The following HDHD2 variants were observed in gnomAD, a reference collection of about 807,000 sequenced individuals.
HDHD2 encodes the protein haloacid dehalogenase-like hydrolase domain-containing protein 2.
A neutral mutation model predicts 24.8 loss-of-function variants in HDHD2; 26 were observed. That is an observed-to-expected ratio of 1.05 (90% CI 0.77 to 1.45). The LOEUF (loss-of-function observed/expected upper bound fraction) is 1.45, where lower values mean the gene tolerates loss of function less well. Ranked by LOEUF, HDHD2 falls within the 40% of genes most tolerant of loss-of-function variation. HDHD2 has a pLI of 0.00. For synonymous variants in HDHD2, 128 were observed against 114.9 expected (o/e 1.11, Z -0.73); for missense variants, 299 against 313.4 (o/e 0.95, Z 0.35).
At chr18:47,114,050 G>A (rs1371300593) in intron 5 of HDHD2, among the ~76,000 whole-genome samples, 1 of 152,114 alleles carries the variant, frequency 6.6e-6, no homozygotes, top group Non-Finnish European at 1.5e-5. Context: ...AGCAACTCCT[G>A]GGATAAAGAA....
intron 4 of HDHD2, among the ~76,000 whole-genome samples, chr18:47,125,188 C>A (rs1028433471): frequency 6.6e-6 from 1 of 151,732 alleles, no homozygotes; most frequent in Non-Finnish European, 1.5e-5. Flanking sequence ...AAAAAAAAAC[C>A]AAATAGGAAC....
intron 4 of HDHD2, among the ~76,000 whole-genome samples, chr18:47,121,807 C>A (rs920225710): frequency 9.8e-5 from 15 of 152,316 alleles, no homozygotes; most frequent in South Asian, 6.2e-4. Context: ...AAATGTCAAG[C>A]TCTTTCCTGC....
chr18:47,149,802 C>T (rs2063911654), intron 1 of HDHD2, among the ~76,000 whole-genome samples: 1 of 152,092 alleles, frequency 6.6e-6, no homozygotes, highest in African/African-American at 2.4e-5. Flanking sequence ...GTTACCAGCC[C>T]GCGCCTCTCC....
chr18:47,108,738 A>C lies in HDHD2; in HGVS notation c.724T>G (p.Leu242Val). Residue 242 changes from leucine to valine, a missense_variant, in exon 7 of 7, where the codon TTA becomes GTA. Coordinates refer to ENST00000300605, the MANE Select transcript of HDHD2 (RefSeq NM_032124.5). The part of the protein sequence containing the change: ...DEEKINPPPY[L>V]TCESFPHAVD... Reference sequence around the variant, plus strand: ...GCATGAGGGAAACTCTCACAAGTTAAGTAAGGAGGTGGATTAATTTTTTCT... The same window carrying C: ...GCATGAGGGAAACTCTCACAAGTTACGTAAGGAGGTGGATTAATTTTTTCT... 1 of 1,611,888 alleles carries C rather than the reference A, an allele frequency of 6.2e-7. No individual in the cohort carries two copies. The highest frequency in any genetic ancestry group is 8.5e-7 in the Non-Finnish European group (1 of 1,178,426).
At chr18:47,121,028 A>T (rs1395924309) in intron 4 of HDHD2, among the ~76,000 whole-genome samples, 2 of 152,096 alleles carry the variant, frequency 1.3e-5, no homozygotes, top group Non-Finnish European at 2.9e-5. Flanking sequence ...TGACACAGAG[A>T]CACAAAGTGA....
At chr18:47,133,363 T>C (rs2063732153) in intron 3 of HDHD2, among the ~76,000 whole-genome samples, 1 of 152,114 alleles carries the variant, frequency 6.6e-6, no homozygotes, top group Non-Finnish European at 1.5e-5. Context: ...CCATGCTGTA[T>C]ATGTGCCACA....
chr18:47,138,633 T>A (rs1005916060), intron 1 of HDHD2, among the ~76,000 whole-genome samples: 4 of 152,214 alleles, frequency 2.6e-5, no homozygotes, highest in African/African-American at 9.7e-5. Context: ...AAGAAGGATG[T>A]TTTCATACCT....
chr18:47,123,862 G>A (rs1329503597), intron 4 of HDHD2, among the ~76,000 whole-genome samples: 2 of 152,180 alleles, frequency 1.3e-5, no homozygotes, highest in Non-Finnish European at 2.9e-5. Context: ...TGACTTCAAA[G>A]TTGATTTCAA....
At chr18:47,112,829 T>G (rs990651506) in intron 6 of HDHD2, 148 bp downstream of exon 6, 1 of 654,674 alleles carries the variant, frequency 1.5e-6, no homozygotes, top group African/African-American at 1.8e-5. Context: ...AATTGTTTCC[T>G]ATAATCCTAA....
At chr18:47,141,417 A>C (rs569200466) in intron 1 of HDHD2, among the ~76,000 whole-genome samples, 56 of 152,350 alleles carry the variant, frequency 3.7e-4, no homozygotes, top group Non-Finnish European at 6.8e-4. Flanking sequence ...TTCCACATTC[A>C]GTATTTTTCC....
Position 47,115,359 on chromosome 18 carries a change from C to G in HDHD2, c.396-11G>C. The G allele has an allele frequency of 6.3e-7, 1 of 1,596,320 alleles. No individual in the cohort carries two copies. The highest frequency in any genetic ancestry group is 1.1e-5 in the South Asian group (1 of 88,320). ...CCATCCAGGAGTAACCTAGAGAGAA[C>G]AACAACAAAAAAAACAAATTGGCTA... is the stretch of plus-strand genomic sequence containing the variant. On this transcript the variant is annotated splice_polypyrimidine_tract_variant and intron_variant, in intron 4 of 6. Transcript: ENST00000300605.
rs370519828 is a variant in HDHD2 at position 47,136,415 on chromosome 18, C to T, written c.25G>A (p.Ala9Thr). 1.2e-6 allele frequency: 2 copies of T among 1,612,834 alleles called. No homozygotes were observed. Among genetic ancestry groups the T allele is most frequent in the African/African-American group, 2.7e-5 (2 of 74,942 alleles). The change falls in exon 2 of 7, where the codon GCT (alanine) becomes ACT (threonine). Residue 9 changes from alanine (A) to threonine (T), a missense_variant. By Grantham distance (58) the Ala-to-Thr change is moderately conservative. Transcript: ENST00000300605. ...GTGCCACTGAGATCTACCAAAACAG[C>T]TTTTAATGCACGGCATGCTGCCATC... MAACRALKAVLVDLSGTLH... is the reference protein window; with the variant it reads MAACRALKTVLVDLSGTLH...
At chr18:47,148,386 G>A (rs1320390510) in intron 1 of HDHD2, among the ~76,000 whole-genome samples, 2 of 152,158 alleles carry the variant, frequency 1.3e-5, no homozygotes, top group Admixed American at 1.3e-4. Context: ...AACTATAAAG[G>A]CTTCAAAGGT....
At chr18:47,149,208 T>G (rs2063904547) in intron 1 of HDHD2, 1 of 152,154 alleles carries the variant, frequency 6.6e-6, no homozygotes, top group South Asian at 2.1e-4. Flanking sequence ...TAGTATAACT[T>G]GAGGATTTGA....
intron 3 of HDHD2, 78 bp downstream of exon 3, chr18:47,134,418 C>T (rs2063743091): frequency 1.0e-6 from 1 of 975,030 alleles, no homozygotes; most frequent in Non-Finnish European, 1.6e-6. Flanking sequence ...GAATAAACAT[C>T]TCTAAACATC....
At chr18:47,125,542 C>A (rs1219173857) in intron 4 of HDHD2, among the ~76,000 whole-genome samples, 4 of 152,164 alleles carry the variant, frequency 2.6e-5, no homozygotes, top group Non-Finnish European at 2.9e-5. Flanking sequence ...ATATAATACA[C>A]TACTACTATA....
At chr18:47,135,506 C>T (rs1255547356) in intron 2 of HDHD2, among the ~76,000 whole-genome samples, 2 of 152,116 alleles carry the variant, frequency 1.3e-5, no homozygotes, top group East Asian at 3.9e-4. Flanking sequence ...GGTGATCCAC[C>T]CGCCTCGGCC....
At chr18:47,139,596 C>T (rs892876938) in intron 1 of HDHD2, among the ~76,000 whole-genome samples, 3 of 151,854 alleles carry the variant, frequency 2.0e-5, no homozygotes, top group African/African-American at 7.3e-5. Context: ...AAAACCTCAA[C>T]CTGAAGCCAG....
At chr18:47,118,883 A>G (rs1485011908) in intron 4 of HDHD2, among the ~76,000 whole-genome samples, 1 of 150,586 alleles carries the variant, frequency 6.6e-6, no homozygotes, top group African/African-American at 2.4e-5. Flanking sequence ...CTGAAAACCA[A>G]TCTGGGATTC....
Sources: allele counts gnomAD v4.1 joint callset (sites outside exome capture counted in the v4.1 genomes callset), GRCh38; gene constraint gnomAD v4.1.1; transcripts MANE v1.5; gene names NCBI Gene and HGNC (gene_info 2026-07-23, HGNC 2026-07-21).